HERC5: variants seen among roughly 807,000 people sequenced by gnomAD.
HERC5 encodes HECT and RLD domain containing E3 ubiquitin protein ligase 5, also known as E3 ISG15--protein ligase HERC5.
Under a neutral mutation model 119.6 loss-of-function variants are expected in HERC5, and 99 were observed. That is an observed-to-expected ratio of 0.83 (90% CI 0.70 to 0.98). HERC5 has a LOEUF of 0.98. Among genes scored for constraint, HERC5 ranks in the 50% least tolerant of loss-of-function variants. HERC5 has a pLI of 0.00. For missense variants in HERC5, 1,267 were observed against 1,241.3 expected, an observed-to-expected ratio of 1.02 and a Z score of -0.31; for synonymous variants, 478 against 445.9, an observed-to-expected ratio of 1.07 and a Z score of -0.91.
chr4:88,468,826 A>T (rs1578045089), intron 8 of HERC5, among the ~76,000 whole-genome samples: 1 of 152,208 alleles, frequency 6.6e-6, no homozygotes, highest in South Asian at 2.1e-4. Context: ...AGTGAAATCG[A>T]GTTCCTCACA....
At chr4:88,473,853 T>C (rs1740958970) in intron 11 of HERC5, 1 of 152,228 alleles carries the variant, frequency 6.6e-6, no homozygotes, top group Admixed American at 6.5e-5. Context: ...TTCTGTTTAC[T>C]AATTATACCT....
intron 9 of HERC5, among the ~76,000 whole-genome samples, chr4:88,469,851 C>T (rs920647612): frequency 1.3e-5 from 2 of 152,176 alleles, no homozygotes; most frequent in South Asian, 2.1e-4. Context: ...AGCATGTAAG[C>T]GCCATGAGGA....
chr4:88,457,160 G>T lies in HERC5; in HGVS notation c.-110G>T. ...GTTCCCCGACGCCACGCAGCTGCGC[G>T]CAGCTGGTTCCCGCTCTGCAGCGCA... On this transcript the variant is annotated 5_prime_UTR_variant, in exon 1 of 23. Transcript: ENST00000264350. 8.1e-7 allele frequency: 1 copy of T among 1,233,812 alleles called. No homozygotes were observed. Among genetic ancestry groups the T allele is most frequent in the Non-Finnish European group, 1.0e-6 (1 of 988,398 alleles). 76.4% of individuals were successfully genotyped at this position (1,233,812 alleles called of 1,614,324 possible). A position where few individuals can be genotyped will look rare whatever the true frequency, so the allele number is the denominator to read the frequency against.
In HERC5 at chr4:88,463,870, A is replaced by G. The variant is rs1005162503; in HGVS notation, c.796A>G (p.Thr266Ala). The G allele has an allele frequency of 1.9e-6, 3 of 1,613,948 alleles. No homozygotes were observed. The highest frequency in any genetic ancestry group is 1.1e-5 in the South Asian group (1 of 91,054). Residue 266 changes from threonine to alanine, a missense_variant, in exon 6 of 23, where the codon ACT (threonine) becomes GCT (alanine). Thr to Ala is a moderately conservative substitution (Grantham distance 58, BLOSUM62 0). Coordinates refer to ENST00000264350, the MANE Select transcript of HERC5 (RefSeq NM_016323.4). ...CTTTCCTTAGGATGGGCTGCTGTTT[A>G]CTTTCGGTGCTGGAAAACATGGGCA... Reference protein sequence around the residue: ...ALLTQDGLLFTFGAGKHGQLG... With the variant: ...ALLTQDGLLFAFGAGKHGQLG...
chr4:88,481,534 T>G (rs554330902), intron 13 of HERC5, among the ~76,000 whole-genome samples: 5 of 152,254 alleles, frequency 3.3e-5, no homozygotes, highest in African/African-American at 1.2e-4. Context: ...TCCGTTTCTT[T>G]ATATAATTTT....
Position 88,457,353 on chromosome 4 carries a change from T to G in HERC5, c.84T>G (p.Ser28=). Residue 28 remains serine, a synonymous_variant, in exon 1 of 23, where the codon TCT becomes TCG. Transcript: ENST00000264350. ...CCGCCGCGACCCAGCCCGCGAAGTC[T>G]CCGGGCGCACAGCTCTGGCTCTTTC... ...GKAAATQPAK[S]PGAQLWLFPS... 1 of 1,425,842 alleles carries G rather than the reference T, an allele frequency of 7.0e-7. No homozygotes were observed. Among genetic ancestry groups the G allele is most frequent in the African/African-American group, 1.5e-5 (1 of 67,344 alleles). 88.3% of individuals were successfully genotyped at this position (1,425,842 alleles called of 1,614,324 possible).
In HERC5 at chr4:88,487,061, A is replaced by G. The variant is rs200541371; in HGVS notation, c.1852-8A>G. On this transcript the variant is annotated splice_polypyrimidine_tract_variant and splice_region_variant and intron_variant, in intron 14 of 22. Coordinates refer to ENST00000264350, the MANE Select transcript of HERC5 (RefSeq NM_016323.4). Reference sequence around the variant, plus strand: ...ACTTATCAGAATTATTGTCATTTCCATTTTTAGGACGCTTCAGAAAATGTA... The same window carrying G: ...ACTTATCAGAATTATTGTCATTTCCGTTTTTAGGACGCTTCAGAAAATGTA... 160 of 1,587,986 alleles carry G rather than the reference A, an allele frequency of 1.0e-4. No homozygotes were observed. The highest frequency in any genetic ancestry group is 1.3e-4 in the Non-Finnish European group (152 of 1,159,742).
In HERC5 at chr4:88,505,926, G is replaced by A. The variant is rs1263749259; in HGVS notation, c.*48G>A. The A allele has an allele frequency of 1.5e-6, 2 of 1,335,574 alleles. No homozygotes were observed. Among genetic ancestry groups the A allele is most frequent in the African/African-American group, 1.5e-5 (1 of 66,788 alleles). The allele number at this position is 1,335,574 out of a possible 1,614,324, so 82.7% of individuals were successfully genotyped here. On this transcript the variant is annotated 3_prime_UTR_variant, in exon 23 of 23. Transcript: ENST00000264350. Reference sequence around the variant, plus strand: ...TTATTTTGTTGTTGTTATCGTTGTTGTTGTTGTTGTTGTTGTTGTTTCTCT... The same window carrying A: ...TTATTTTGTTGTTGTTATCGTTGTTATTGTTGTTGTTGTTGTTGTTTCTCT...
At chr4:88,505,067 A>G (rs750283371) in intron 22 of HERC5, among the ~76,000 whole-genome samples, 25 of 152,130 alleles carry the variant, frequency 1.6e-4, no homozygotes, top group Non-Finnish European at 3.4e-4. Context: ...TTTGTGGATA[A>G]CATGTATGTT....
chr4:88,488,052 G>A (rs185175255), intron 15 of HERC5, among the ~76,000 whole-genome samples: 37 of 152,154 alleles, frequency 2.4e-4, no homozygotes, highest in African/African-American at 8.7e-4. Flanking sequence ...TATGAGTTCT[G>A]AGTATGACTG....
intron 13 of HERC5, among the ~76,000 whole-genome samples, chr4:88,485,372 A>G (rs115025674): frequency 3.3e-5 from 5 of 152,350 alleles, no homozygotes; most frequent in Non-Finnish European, 7.3e-5. Flanking sequence ...GGCCAAGATC[A>G]TCAGATCCAG....
At chr4:88,465,558 C>A (rs925097427) in intron 6 of HERC5, among the ~76,000 whole-genome samples, 10 of 152,242 alleles carry the variant, frequency 6.6e-5, no homozygotes, top group African/African-American at 2.2e-4. Context: ...AATATTTATA[C>A]CTCATTCGGT....
In HERC5 at chr4:88,460,114, G is replaced by GAA; in HGVS notation, c.417_418dup (p.Ile140LysfsTer2). On this transcript the variant is annotated frameshift_variant, in exon 3 of 23. Coordinates refer to ENST00000264350, the MANE Select transcript of HERC5 (RefSeq NM_016323.4). LOFTEE classifies it high-confidence loss of function. ...CATCAGGTTTGAAAGCATTTTACAA[G>GAA]AAAAAAAAATAATTCAGATCACATG... is the stretch of plus-strand genomic sequence containing the variant. 2.6e-6 allele frequency: 4 copies of GAA among 1,553,794 alleles called. No individual in the cohort carries two copies. The highest frequency in any genetic ancestry group is 3.5e-6 in the Non-Finnish European group (4 of 1,133,240).
intron 19 of HERC5, among the ~76,000 whole-genome samples, chr4:88,500,430 C>T (rs558504072): frequency 1.3e-5 from 2 of 152,340 alleles, no homozygotes; most frequent in East Asian, 1.9e-4. Context: ...AGAGAGGAAG[C>T]GATAGCAAGC....
intron 15 of HERC5, among the ~76,000 whole-genome samples, chr4:88,488,082 G>A (rs1741524875): frequency 6.6e-6 from 1 of 152,000 alleles, no homozygotes; most frequent in African/African-American, 2.4e-5. Context: ...ATTTAACAAA[G>A]GGAAATCAAA....
intron 9 of HERC5, among the ~76,000 whole-genome samples, chr4:88,469,547 GGGAGGAGTTGATGTTGCA>G (rs1223805538): frequency 1.3e-5 from 2 of 152,154 alleles, no homozygotes; most frequent in Admixed American, 1.3e-4. Flanking sequence ...TGGAGACTTG[GGGAGGAGTTGATGTTGCA>G]GCTCAAGTCT....
At chr4:88,504,464 C>G in intron 21 of HERC5, 31 bp from the exon 22 acceptor site, 1 of 1,567,222 alleles carries the variant, frequency 6.4e-7, no homozygotes. Flanking sequence ...CTTCCTATTT[C>G]CTCAATAACT....
chr4:88,466,368 C>T (rs1740664275), intron 6 of HERC5, among the ~76,000 whole-genome samples: 1 of 152,174 alleles, frequency 6.6e-6, no homozygotes, highest in South Asian at 2.1e-4. Flanking sequence ...AGGCATGAGC[C>T]ACCACACCCC....
At chr4:88,488,313 C>T (rs908644036) in intron 15 of HERC5, among the ~76,000 whole-genome samples, 2 of 150,896 alleles carry the variant, frequency 1.3e-5, no homozygotes, top group African/African-American at 4.9e-5. Context: ...CTCACTGCAA[C>T]CTCCACTTCC....
Sources: allele counts gnomAD v4.1 joint callset (sites outside exome capture counted in the v4.1 genomes callset), GRCh38; gene constraint gnomAD v4.1.1; transcripts MANE v1.5; gene names NCBI Gene and HGNC (gene_info 2026-07-23, HGNC 2026-07-21).